IL31RA: variants seen among roughly 807,000 people sequenced by gnomAD.
IL31RA encodes the protein interleukin-31 receptor subunit alpha.
Under a neutral mutation model 83.7 loss-of-function variants are expected in IL31RA, and 66 were observed. The ratio of observed to expected loss-of-function variants is 0.79; its 90% confidence interval spans 0.65 to 0.97. The LOEUF (loss-of-function observed/expected upper bound fraction) is 0.97, where lower values mean the gene tolerates loss of function less well. Among genes scored for constraint, IL31RA ranks in the 50% least tolerant of loss-of-function variants. The pLI is 0.00. For synonymous variants in IL31RA, 325 were observed against 329.0 expected, an observed-to-expected ratio of 0.99 and a Z score of 0.13; for missense variants, 798 against 919.4, an observed-to-expected ratio of 0.87 and a Z score of 1.71.
rs1749871320 is a variant in IL31RA, at chr5:55,917,729, A to G, written c.*609A>G. Among the ~76,000 whole-genome samples the G allele has an allele frequency of 1.3e-5, 2 of 152,090 alleles. No individual in the cohort carries two copies. The highest frequency in any genetic ancestry group is 2.9e-5 in the Non-Finnish European group (2 of 68,034). ...AGTGCCTGTAGCAACACCGCACCTGAGAATCCTCACCCCCAATTTAGACTG... is the reference window on the plus strand; with the variant it reads ...AGTGCCTGTAGCAACACCGCACCTGGGAATCCTCACCCCCAATTTAGACTG... On this transcript the variant is annotated 3_prime_UTR_variant, in exon 15 of 15. Transcript: ENST00000652347.
At position 55,851,506 on chromosome 5, in the gene IL31RA, T is replaced by G; in HGVS notation, c.-65T>G. On this transcript the variant is annotated 5_prime_UTR_variant, in exon 1 of 15. An upstream start codon of the reference 5' UTR is lost. Coordinates refer to ENST00000652347, the MANE Select transcript of IL31RA (RefSeq NM_139017.7). ...GCACTAAATAGACCATGAAAAGACA[T>G]GTGTGTGCAGTATGAAAATTGAGAC... The G allele has an allele frequency of 6.2e-7, 1 of 1,613,476 alleles. No individual in the cohort carries two copies. Among genetic ancestry groups the G allele is most frequent in the South Asian group, 1.1e-5 (1 of 91,054 alleles).
chr5:55,870,367 C>T (rs1335708186), intron 3 of IL31RA, among the ~76,000 whole-genome samples: 1 of 152,190 alleles, frequency 6.6e-6, no homozygotes, highest in Non-Finnish European at 1.5e-5. Flanking sequence ...TACAGGCTGT[C>T]GTTTGCTTAT....
At chr5:55,854,495 A>C (rs2112272432) in intron 1 of IL31RA, among the ~76,000 whole-genome samples, 1 of 152,310 alleles carries the variant, frequency 6.6e-6, no homozygotes, top group South Asian at 2.1e-4. Context: ...CTGTAATCCC[A>C]CCACTTTGGG....
At chr5:55,898,249 G>A (rs1450962353) in intron 7 of IL31RA, among the ~76,000 whole-genome samples, 1 of 152,228 alleles carries the variant, frequency 6.6e-6, no homozygotes, top group Non-Finnish European at 1.5e-5. Flanking sequence ...AGCTTGCGAA[G>A]TAGAGAAGAT....
rs774598126 is a variant in IL31RA, at chr5:55,916,677, G to A, written c.1852G>A (p.Val618Met). ...KLNLKESDDS[V>M]NTEDRILKPC... ...AAACCTGAAGGAGTCTGATGACTCT[G>A]TGAACACAGAAGACAGGATCTTAAA... Residue 618 changes from valine (V) to methionine (M), a missense_variant, in exon 15 of 15, where the codon GTG becomes ATG. Val to Met is a conservative substitution (Grantham distance 21). Transcript: ENST00000652347. 14 of 1,614,046 alleles carry A rather than the reference G, an allele frequency of 8.7e-6. 1 individual carries two copies. In the South Asian group the frequency reaches 1.5e-4, roughly 18 times the overall value.
chr5:55,858,514 C>T (rs1745485508), intron 1 of IL31RA, among the ~76,000 whole-genome samples: 2 of 152,174 alleles, frequency 1.3e-5, no homozygotes, highest in Admixed American at 6.5e-5. Flanking sequence ...AGTTCCAATT[C>T]GCTAAGGATT....
At chr5:55,864,834 A>G (rs1436432852) in intron 2 of IL31RA, among the ~76,000 whole-genome samples, 1 of 151,624 alleles carries the variant, frequency 6.6e-6, no homozygotes, top group Non-Finnish European at 1.5e-5. Context: ...CACATACTAC[A>G]CATACCACAC....
chr5:55,908,561 G>A (rs1266943680), intron 11 of IL31RA, 150 bp downstream of exon 11: 1 of 1,563,376 alleles, frequency 6.4e-7, no homozygotes, highest in East Asian at 2.4e-5. Flanking sequence ...TGAAAATGGG[G>A]CCAAGAGCAC....
At chr5:55,862,809 T>A (rs550491592) in intron 2 of IL31RA, among the ~76,000 whole-genome samples, 1 of 152,316 alleles carries the variant, frequency 6.6e-6, no homozygotes, top group African/African-American at 2.4e-5. Context: ...TCCTTAGTCT[T>A]TCCTTACTAT....
In IL31RA at chr5:55,910,623, T is replaced by C. The variant is rs772498858; in HGVS notation, c.1593T>C (p.Ser531=). 5.6e-6 allele frequency: 9 copies of C among 1,614,214 alleles called. No homozygotes were observed. Among genetic ancestry groups the C allele is most frequent in the Non-Finnish European group, 7.6e-6 (9 of 1,180,020 alleles). ...SYIVQVMAST[S]AGGTNGTSIN... ...TTGTTCAGGTCATGGCCAGCACCAG[T>C]GCTGGGGGAACCAACGGGACCAGCA... Residue 531 remains serine, a synonymous_variant, in exon 12 of 15, where the codon AGT becomes AGC. Transcript: ENST00000652347.
intron 2 of IL31RA, among the ~76,000 whole-genome samples, chr5:55,867,171 GTGTGTGTGCA>G (rs1746152769): frequency 1.4e-5 from 1 of 70,728 alleles, no homozygotes. Context: ...GTGTGTGCAT[GTGTGTGTGCA>G]TGTGTGTTTG....
chr5:55,888,837 A>G (rs1364713288), intron 5 of IL31RA, among the ~76,000 whole-genome samples: 3 of 152,154 alleles, frequency 2.0e-5, no homozygotes, highest in African/African-American at 7.2e-5. Flanking sequence ...CCATCTCACC[A>G]GGCTGGGAGT....
In IL31RA at chr5:55,867,548, TAAG is replaced by T. The variant is rs529163721; in HGVS notation, c.155-1238_155-1236del. Among the ~76,000 whole-genome samples the T allele has an allele frequency of 3.2e-3, 486 of 152,260 alleles. 12 individuals carry two copies. The highest frequency in any genetic ancestry group is 9.7e-4 in the Non-Finnish European group (66 of 68,010). On this transcript the variant is annotated intron_variant, in intron 2 of 14. Transcript: ENST00000652347. ...TGGTCTTCTTTATTAACACATTAAA[TAAG>T]AAGACCTAATAATTGCCTTAATTTA...
rs748057971 is a variant in IL31RA at position 55,908,398 on chromosome 5, T to G, written c.1488T>G (p.Gly496=). 4 of 1,614,036 alleles carry G rather than the reference T, an allele frequency of 2.5e-6. No individual in the cohort carries two copies. The highest frequency in any genetic ancestry group is 2.7e-5 in the African/African-American group (2 of 74,998). ...ACACCATCTTTTACCAAGCTGAAGG[T>G]GGAAAAGGATTCTGTAAGCACGCCC... The part of the protein sequence containing the change: ...CNYTIFYQAE[G]GKGFSKTVNS... The change falls in exon 11 of 15, where the codon GGT becomes GGG. Residue 496 remains glycine (G), a synonymous_variant. Coordinates refer to ENST00000652347, the MANE Select transcript of IL31RA (RefSeq NM_139017.7).
At chr5:55,913,340 G>GA in intron 12 of IL31RA, 137 bp from the exon 13 acceptor site, 1 of 700,780 alleles carries the variant, frequency 1.4e-6, no homozygotes, top group East Asian at 2.7e-5. Context: ...TTTTTTAGTG[G>GA]AAAGAAATTG....
intron 1 of IL31RA, chr5:55,853,586 A>G (rs1384340680): frequency 1.3e-6 from 2 of 1,548,236 alleles, no homozygotes; most frequent in Admixed American, 2.0e-5. Flanking sequence ...TAATTCATTT[A>G]GAAGAGTGAT....
chr5:55,845,711 T>G, the IL31RA span, among the ~76,000 whole-genome samples: 1 of 152,170 alleles, frequency 6.6e-6, no homozygotes, highest in Non-Finnish European at 1.5e-5. Context: ...GTAAGTTTCC[T>G]GAGACCTCCC....
chr5:55,919,374 T>C lies in IL31RA; in HGVS notation c.*2254T>C, dbSNP rs1054947935. On this transcript the variant is annotated 3_prime_UTR_variant, in exon 15 of 15. Coordinates refer to ENST00000652347, the MANE Select transcript of IL31RA (RefSeq NM_139017.7). Reference sequence around the variant, plus strand: ...GATGGGAGAGAAAATGGATCCCCAATGGCTCCTGTGAGTGGATTCCAGAGA... The same window carrying C: ...GATGGGAGAGAAAATGGATCCCCAACGGCTCCTGTGAGTGGATTCCAGAGA... Among the ~76,000 whole-genome samples the C allele has an allele frequency of 1.3e-5, 2 of 152,202 alleles. No individual in the cohort carries two copies. Among genetic ancestry groups the C allele is most frequent in the Non-Finnish European group, 2.9e-5 (2 of 68,034 alleles).
intron 3 of IL31RA, among the ~76,000 whole-genome samples, chr5:55,869,757 AG>A (rs1325240554): frequency 6.6e-6 from 1 of 152,200 alleles, no homozygotes; most frequent in African/African-American, 2.4e-5. Context: ...TACAGGCATG[AG>A]CCACCGTGCC....
Sources: gnomAD v4.1 joint callset for allele counts (sites outside exome capture counted in the v4.1 genomes callset) on GRCh38, gnomAD v4.1.1 for gene constraint, MANE v1.5 for transcripts, NCBI Gene and HGNC (gene_info 2026-07-23, HGNC 2026-07-21) for gene names.